The following MAD1L1 variants were observed in gnomAD, a reference collection of about 807,000 sequenced individuals.
MAD1L1 encodes mitotic spindle assembly checkpoint protein MAD1.
A neutral mutation model predicts 96.9 loss-of-function variants in MAD1L1; 95 were observed. That is an observed-to-expected ratio of 0.98 (90% CI 0.83 to 1.16). MAD1L1 has a LOEUF of 1.16. Among genes scored for constraint, MAD1L1 ranks in the 50% most tolerant of loss-of-function variants. MAD1L1 has a pLI of 0.00. For missense variants in MAD1L1, 1,007 were observed against 954.4 expected, an observed-to-expected ratio of 1.06 and a Z score of -0.73; for synonymous variants, 473 against 396.6, an observed-to-expected ratio of 1.19 and a Z score of -2.29.
At position 2,213,831 on chromosome 7, in the gene MAD1L1, C is replaced by T. The variant is rs193278711; in HGVS notation, c.925-558G>A. On this transcript the variant is annotated intron_variant, in intron 9 of 18. Coordinates refer to ENST00000265854, the MANE Select transcript of MAD1L1 (RefSeq NM_001013836.2). ...CCAGCCCACCCCTCTGTGTCACATG[C>T]CTGTCCCATGCTGAGCCGCATCCCA... Among the ~76,000 whole-genome samples, 51 of 152,356 alleles carry T rather than the reference C, an allele frequency of 3.3e-4. No individual in the cohort carries two copies. The Middle Eastern group carries it at 0.017, about 51-fold the overall frequency.
Position 1,894,786 on chromosome 7 carries a change from T to A in MAD1L1, c.1998+3414A>T, listed in dbSNP as rs544166128. Reference sequence around the variant, plus strand: ...GGCAGGACAGAGTCTGGAGGAGGAGTGGGAGAGGGAGGAGGAAGAGCAGGA... The same window carrying A: ...GGCAGGACAGAGTCTGGAGGAGGAGAGGGAGAGGGAGGAGGAAGAGCAGGA... On this transcript the variant is annotated intron_variant, in intron 18 of 18. Transcript: ENST00000265854. Among the ~76,000 whole-genome samples the A allele has an allele frequency of 9.9e-5, 12 of 120,776 alleles. No individual in the cohort carries two copies. The South Asian group carries it at 3.2e-3, about 32-fold the overall frequency. The allele number at this position is 120,776 out of a possible 152,430, so 79.2% of individuals were successfully genotyped here.
intron 7 of MAD1L1, among the ~76,000 whole-genome samples, chr7:2,216,678 G>A (rs1290178079): frequency 6.6e-6 from 1 of 152,172 alleles, no homozygotes; most frequent in Non-Finnish European, 1.5e-5. Context: ...TACCAGGGTA[G>A]GCTGTGTGTG....
chr7:2,012,021 G>T (rs1412878973), intron 13 of MAD1L1, among the ~76,000 whole-genome samples: 1 of 152,182 alleles, frequency 6.6e-6, no homozygotes, highest in Non-Finnish European at 1.5e-5. Context: ...TCTTCTATGT[G>T]CCTAATTCTC....
Position 2,180,724 on chromosome 7 carries a change from A to C in MAD1L1, c.987-31486T>G, listed in dbSNP as rs1791162230. ...TTAAACATTATCTTATATTAAATAT[A>C]ATATTAAATATTGATCTTGTATCCT... On this transcript the variant is annotated intron_variant, in intron 10 of 18. Transcript: ENST00000265854. 1.3e-5 allele frequency among the ~76,000 whole-genome samples: 2 copies of C among 152,182 alleles called. 1 individual carries two copies. Among genetic ancestry groups the C allele is most frequent in the South Asian group, 4.1e-4 (2 of 4,834 alleles).
chr7:2,081,882 G>A (rs1192381422), intron 11 of MAD1L1, among the ~76,000 whole-genome samples: 1 of 152,260 alleles, frequency 6.6e-6, no homozygotes, highest in Non-Finnish European at 1.5e-5. Context: ...GAGATCACGG[G>A]ACCCCTGGGG....
At position 1,993,001 on chromosome 7, in the gene MAD1L1, A is replaced by G. The variant is rs117608951; in HGVS notation, c.1416+9064T>C. On this transcript the variant is annotated intron_variant, in intron 14 of 18. Coordinates refer to ENST00000265854, the MANE Select transcript of MAD1L1 (RefSeq NM_001013836.2). ...GCTTCGTACTTAGGATGAGGGTACT[A>G]TATTTCCCCTATACAGAATTACTCC... Among the ~76,000 whole-genome samples the G allele has an allele frequency of 5.9e-5, 9 of 152,346 alleles. No homozygotes were observed. In the East Asian group the frequency reaches 9.6e-4, roughly 16 times the overall value.
At chr7:1,926,881 G>A (rs751784214) in intron 17 of MAD1L1, among the ~76,000 whole-genome samples, 3 of 152,172 alleles carry the variant, frequency 2.0e-5, no homozygotes, top group Non-Finnish European at 2.9e-5. Context: ...CCTAGACAGG[G>A]CAACACAGCA....
chr7:1,840,621 C>T (rs543067060), intron 18 of MAD1L1, among the ~76,000 whole-genome samples: 27 of 152,278 alleles, frequency 1.8e-4, no homozygotes, highest in Non-Finnish European at 2.8e-4. Context: ...CCCAGCTACT[C>T]GGGAGGCTGA....
At chr7:1,887,386 C>G (rs376850735) in intron 18 of MAD1L1, among the ~76,000 whole-genome samples, 9 of 149,058 alleles carry the variant, frequency 6.0e-5, no homozygotes, top group Admixed American at 4.0e-4. Flanking sequence ...CATGCGTGTA[C>G]ATGCATGTAT....
intron 11 of MAD1L1, among the ~76,000 whole-genome samples, chr7:2,136,851 G>A (rs552595202): frequency 5.3e-5 from 8 of 152,172 alleles, no homozygotes; most frequent in African/African-American, 1.2e-4. Flanking sequence ...GAAAGGAGCC[G>A]GCAGTGGCCA....
intron 14 of MAD1L1, among the ~76,000 whole-genome samples, chr7:1,998,723 ACCAACCCCCTGCCAACCCCCCG>A (rs1781663249): frequency 1.2e-5 from 1 of 85,698 alleles, no homozygotes; most frequent in Non-Finnish European, 2.5e-5. Context: ...TGTGTCCCCC[ACCAACCCCCTGCCAACCCCCCG>A]CCAAGCCCCC....
At chr7:1,897,196 C>T (rs1392166946) in intron 18 of MAD1L1, among the ~76,000 whole-genome samples, 2 of 152,360 alleles carry the variant, frequency 1.3e-5, no homozygotes, top group East Asian at 3.9e-4. Flanking sequence ...CGGCTCACCG[C>T]TGTGAGACGC....
chr7:1,893,448 T>C (rs1400691964), intron 18 of MAD1L1, among the ~76,000 whole-genome samples: 1 of 152,210 alleles, frequency 6.6e-6, no homozygotes, highest in Admixed American at 6.5e-5. Flanking sequence ...GGGGAAAATC[T>C]GATAAAATAA....
chr7:2,024,561 T>TA (rs1465497670), intron 12 of MAD1L1, among the ~76,000 whole-genome samples: 1 of 152,182 alleles, frequency 6.6e-6, no homozygotes, highest in Non-Finnish European at 1.5e-5. Flanking sequence ...CCTGTAGACA[T>TA]ACTCAGGTCT....
chr7:2,156,079 C>A (rs990494940), intron 10 of MAD1L1, among the ~76,000 whole-genome samples: 58 of 152,272 alleles, frequency 3.8e-4, no homozygotes, highest in Non-Finnish European at 3.1e-4. Flanking sequence ...TCGGCTCTAA[C>A]CAGGACAGTG....
At chr7:2,008,968 G>C (rs1782163459) in intron 13 of MAD1L1, among the ~76,000 whole-genome samples, 1 of 152,220 alleles carries the variant, frequency 6.6e-6, no homozygotes, top group African/African-American at 2.4e-5. Flanking sequence ...GCTGTGGGGA[G>C]AGGGTTTCAT....
intron 18 of MAD1L1, among the ~76,000 whole-genome samples, chr7:1,851,560 C>CGAG (rs776496956): frequency 2.3e-4 from 35 of 152,046 alleles, no homozygotes; most frequent in Non-Finnish European, 5.0e-4. Context: ...TCTGAAAACT[C>CGAG]GAGGAATGCA....
intron 16 of MAD1L1, among the ~76,000 whole-genome samples, chr7:1,957,363 T>A (rs1258063549): frequency 6.6e-6 from 1 of 152,164 alleles, no homozygotes; most frequent in Non-Finnish European, 1.5e-5. Flanking sequence ...CGGGTGGGCA[T>A]AGTGCAAATC....
intron 11 of MAD1L1, chr7:2,079,855 C>G: frequency 2.4e-6 from 1 of 422,674 alleles, no homozygotes; most frequent in Non-Finnish European, 4.9e-6. Flanking sequence ...CCAGGCTCTA[C>G]TAAACAACCG....
Sources: gnomAD v4.1 joint callset for allele counts (sites outside exome capture counted in the v4.1 genomes callset) on GRCh38, gnomAD v4.1.1 for gene constraint, MANE v1.5 for transcripts, NCBI Gene and HGNC (gene_info 2026-07-23, HGNC 2026-07-21) for gene names.